The following HACE1 variants were observed in gnomAD, a reference collection of about 807,000 sequenced individuals.
The protein encoded by HACE1 is E3 ubiquitin-protein ligase HACE1.
In HACE1, 73 loss-of-function variants were observed where a neutral mutation model predicts 118.4. That is an observed-to-expected ratio of 0.62 (90% CI 0.51 to 0.75). HACE1 has a LOEUF of 0.75. HACE1 is among the 30% of genes least tolerant of loss of function. The probability of loss-of-function intolerance (pLI) is 0.00; values close to 1 mark genes in which losing one functional copy is unlikely to be tolerated. For missense variants in HACE1, 749 were observed against 1,102.2 expected, an observed-to-expected ratio of 0.68 and a Z score of 4.54; for synonymous variants, 368 against 374.8, an observed-to-expected ratio of 0.98 and a Z score of 0.21.
intron 11 of HACE1, chr6:104,787,132 C>G (rs1782511664): frequency 6.6e-6 from 1 of 152,132 alleles, no homozygotes; most frequent in African/African-American, 2.4e-5. Context: ...AGCAGAAAAA[C>G]ACAACAAAAC....
At chr6:104,759,497 C>G (rs1329706714) in intron 19 of HACE1, among the ~76,000 whole-genome samples, 1 of 152,038 alleles carries the variant, frequency 6.6e-6, no homozygotes, top group Non-Finnish European at 1.5e-5. Context: ...TTATCTGAAA[C>G]CAATGAGAAC....
intron 7 of HACE1, among the ~76,000 whole-genome samples, chr6:104,801,004 G>T (rs1002286088): frequency 1.3e-5 from 2 of 152,138 alleles, no homozygotes; most frequent in Non-Finnish European, 2.9e-5. Context: ...GGAATAAATA[G>T]TGTAGAGAAG....
intron 7 of HACE1, among the ~76,000 whole-genome samples, chr6:104,799,825 G>A (rs367982932): frequency 9.9e-5 from 15 of 152,100 alleles, no homozygotes; most frequent in Non-Finnish European, 1.8e-4. Flanking sequence ...CACAGAAGAC[G>A]GGTGATTTCT....
In HACE1 at chr6:104,777,334, G is replaced by C; in HGVS notation, c.1567-17C>G. 1 of 1,474,476 alleles carries C rather than the reference G, an allele frequency of 6.8e-7. No homozygotes were observed. Among genetic ancestry groups the C allele is most frequent in the African/African-American group, 1.4e-5 (1 of 72,482 alleles). The allele number at this position is 1,474,476 out of a possible 1,614,324, so 91.3% of individuals were successfully genotyped here. On this transcript the variant is annotated splice_polypyrimidine_tract_variant and intron_variant, in intron 14 of 23. Coordinates refer to ENST00000262903, the MANE Select transcript of HACE1 (RefSeq NM_020771.4). ...TTTAAAAGGCTAGCTCAAAAAATAA[G>C]AGTAAAATATGTTAGCAGTGTATCA... is the stretch of plus-strand genomic sequence containing the variant.
At chr6:104,823,193 C>T (rs868238700) in intron 6 of HACE1, among the ~76,000 whole-genome samples, 58 of 152,164 alleles carry the variant, frequency 3.8e-4, no homozygotes, top group Non-Finnish European at 7.4e-4. Flanking sequence ...AATCCCAGCA[C>T]TCTGGGAGGC....
At chr6:104,763,995 C>T (rs912732534) in intron 19 of HACE1, among the ~76,000 whole-genome samples, 10 of 151,658 alleles carry the variant, frequency 6.6e-5, no homozygotes, top group South Asian at 2.1e-4. Context: ...TGTAGTGGGC[C>T]GAGATCCCAC....
chr6:104,733,206 A>G (rs1302393992), intron 22 of HACE1, among the ~76,000 whole-genome samples: 1 of 152,250 alleles, frequency 6.6e-6, no homozygotes, highest in Non-Finnish European at 1.5e-5. Flanking sequence ...ATTTTTATAC[A>G]AATTATAGCA....
At chr6:104,852,623 G>A (rs1393153158) in intron 1 of HACE1, among the ~76,000 whole-genome samples, 5 of 152,112 alleles carry the variant, frequency 3.3e-5, no homozygotes, top group Non-Finnish European at 7.4e-5. Flanking sequence ...GACAATTAAA[G>A]ACTGATTCTT....
intron 20 of HACE1, among the ~76,000 whole-genome samples, chr6:104,746,798 C>A (rs991955188): frequency 1.3e-5 from 2 of 152,180 alleles, no homozygotes. Context: ...TATAGGTTTG[C>A]TAAAAGGGAG....
intron 19 of HACE1, 123 bp from the exon 20 acceptor site, chr6:104,750,595 T>G: frequency 1.1e-6 from 1 of 886,240 alleles, no homozygotes; most frequent in Non-Finnish European, 1.7e-6. Context: ...CACTCATACA[T>G]CTCAGCAAAT....
chr6:104,811,259 T>TTTCTTTATAC lies in HACE1; in HGVS notation c.617+51_617+52insGTATAAAGAA, dbSNP rs1554252653. On this transcript the variant is annotated intron_variant, in intron 7 of 23. Coordinates refer to ENST00000262903, the MANE Select transcript of HACE1 (RefSeq NM_020771.4). Reference sequence around the variant, plus strand: ...TTCTTTATTTATACATATATATATATATATATATATATATGAGCATATATA... The same window carrying TTTCTTTATAC: ...TTCTTTATTTATACATATATATATATTTCTTTATACATATATATATATATGAGCATATATA... The TTTCTTTATAC allele has an allele frequency of 3.2e-5, 10 of 314,206 alleles. No homozygotes were observed. In the East Asian group the frequency reaches 7.6e-4, roughly 24 times the overall value. 19.5% of individuals were successfully genotyped at this position (314,206 alleles called of 1,614,324 possible). A position where few individuals can be genotyped will look rare whatever the true frequency, so the allele number is the denominator to read the frequency against.
chr6:104,804,179 G>A (rs1770723838), intron 7 of HACE1, among the ~76,000 whole-genome samples: 1 of 152,128 alleles, frequency 6.6e-6, no homozygotes, highest in Admixed American at 6.5e-5. Flanking sequence ...ACCTCTTCAA[G>A]GAGAACTACA....
chr6:104,735,374 T>G (rs1335953582), intron 22 of HACE1, among the ~76,000 whole-genome samples: 1 of 152,152 alleles, frequency 6.6e-6, no homozygotes, highest in African/African-American at 2.4e-5. Context: ...CACGCCTACA[T>G]GTAATCCCAG....
intron 20 of HACE1, 27 bp from the exon 21 acceptor site, chr6:104,744,637 A>G (rs764879398): frequency 2.3e-6 from 3 of 1,309,632 alleles, no homozygotes; most frequent in Admixed American, 1.7e-5. Context: ...AAATATTTCA[A>G]TAATTTTCTT....
chr6:104,830,588 G>C (rs1336915947), intron 6 of HACE1, among the ~76,000 whole-genome samples: 2 of 152,064 alleles, frequency 1.3e-5, no homozygotes, highest in Non-Finnish European at 2.9e-5. Context: ...TGTTTGAAGA[G>C]ATAAAAATCC....
chr6:104,733,985 T>C (rs1383394799), intron 22 of HACE1, among the ~76,000 whole-genome samples: 1 of 151,510 alleles, frequency 6.6e-6, no homozygotes, highest in African/African-American at 2.4e-5. Context: ...AAACTCCATC[T>C]TTACTAAAAA....
chr6:104,775,494 T>G (rs1781137379), intron 17 of HACE1, among the ~76,000 whole-genome samples: 1 of 152,192 alleles, frequency 6.6e-6, no homozygotes, highest in African/African-American at 2.4e-5. Flanking sequence ...ACACCAAATC[T>G]GTTTTTCAGA....
At chr6:104,810,548 C>A (rs1049844896) in intron 7 of HACE1, among the ~76,000 whole-genome samples, 1 of 152,000 alleles carries the variant, frequency 6.6e-6, no homozygotes, top group African/African-American at 2.4e-5. Context: ...ACTACATTTA[C>A]ATAATACATA....
At chr6:104,756,197 G>C (rs1778614769) in intron 19 of HACE1, among the ~76,000 whole-genome samples, 1 of 151,922 alleles carries the variant, frequency 6.6e-6, no homozygotes, top group Non-Finnish European at 1.5e-5. Context: ...TGGATCACAA[G>C]GTCAGGAGTT....
Sources: gnomAD v4.1 joint callset for allele counts (sites outside exome capture counted in the v4.1 genomes callset) on GRCh38, gnomAD v4.1.1 for gene constraint, MANE v1.5 for transcripts, NCBI Gene and HGNC (gene_info 2026-07-23, HGNC 2026-07-21) for gene names.